SHANK1: variants seen among roughly 807,000 people sequenced by gnomAD.
The protein encoded by SHANK1 is SH3 and multiple ankyrin repeat domains 1.
Under a neutral mutation model 165.6 loss-of-function variants are expected in SHANK1, and 35 were observed. The ratio of observed to expected loss-of-function variants is 0.21; its 90% CI spans 0.16 to 0.28. The LOEUF is 0.28. Among genes scored for constraint, SHANK1 ranks in the 10% least tolerant of loss-of-function variants. The pLI, the probability that SHANK1 is intolerant of heterozygous loss-of-function variation, is 1.00. For synonymous variants in SHANK1, 1,428 were observed against 1,384.8 expected (o/e 1.03, Z -0.69); for missense variants, 2,681 against 3,036.4 (o/e 0.88, Z 2.75).
In SHANK1 at chr19:50,668,725, C is replaced by T; in HGVS notation, c.3235G>A (p.Gly1079Ser). 7.8e-7 allele frequency: 1 copy of T among 1,277,562 alleles called. No individual in the cohort carries two copies. The highest frequency in any genetic ancestry group is 9.8e-7 in the Non-Finnish European group (1 of 1,019,086). 79.1% of individuals were successfully genotyped at this position (1,277,562 alleles called of 1,614,324 possible). The change falls in exon 23 of 24, where the codon GGC (glycine) becomes AGC (serine). Residue 1079 changes from glycine to serine, a missense_variant. Physicochemically the swap from Gly to Ser is moderately conservative, Grantham distance 56. Transcript: ENST00000293441. ...AGCTGGAAATAGCGTAGAGCCGGGC[C>T]CTGGGAGGAGCCGCCGCCCCCGCCC... ...SAGGGGGSSQ[G>S]PALRYFQLPP...
chr19:50,702,437 C>T lies in SHANK1; in HGVS notation c.1747+30G>A. On this transcript the variant is annotated intron_variant, in intron 12 of 23. Transcript: ENST00000293441. The surrounding 1 kb of genome is among the most constrained non-coding windows in gnomAD (Gnocchi z 5.3). Reference sequence around the variant, plus strand: ...CCCTGATCGCCCCCACAGCCCAGCCCAGCCCAGGCCCTGCTTCCACCCTGG... The same window carrying T: ...CCCTGATCGCCCCCACAGCCCAGCCTAGCCCAGGCCCTGCTTCCACCCTGG... The T allele has an allele frequency of 3.2e-6, 5 of 1,583,756 alleles. No homozygotes were observed. The highest frequency in any genetic ancestry group is 4.3e-6 in the Non-Finnish European group (5 of 1,163,316).
chr19:50,704,424 TGCA>T lies in SHANK1; in HGVS notation c.1155+10_1155+12del. ...GCCCTGGAAACTCCAGCACATCCCC[TGCA>T]GCCCCAGACCTGGAAGGGGGTCTGT... On this transcript the variant is annotated intron_variant, in intron 9 of 23. Coordinates refer to ENST00000293441, the MANE Select transcript of SHANK1 (RefSeq NM_016148.5). 1 of 1,613,332 alleles carries T rather than the reference TGCA, an allele frequency of 6.2e-7. No homozygotes were observed. The highest frequency in any genetic ancestry group is 8.5e-7 in the Non-Finnish European group (1 of 1,179,316).
intron 15 of SHANK1, among the ~76,000 whole-genome samples, chr19:50,695,349 G>A (rs1160042117): frequency 1.3e-5 from 2 of 149,236 alleles, no homozygotes; most frequent in African/African-American, 2.5e-5. Context: ...CCGGAGGCGG[G>A]CGGCGGGCGC....
intron 23 of SHANK1, chr19:50,663,193 C>A (rs912876800): frequency 3.7e-5 from 6 of 163,164 alleles, no homozygotes; most frequent in Non-Finnish European, 5.4e-5. Flanking sequence ...TATGGCCAGT[C>A]GTAGCAGAGT....
rs773658799 is a variant in SHANK1, at chr19:50,704,143, C to T, written c.1199G>A (p.Arg400Gln). Residue 400 changes from arginine (R) to glutamine (Q), a missense_variant, in exon 10 of 24, where the codon CGA becomes CAA. Coordinates refer to ENST00000293441, the MANE Select transcript of SHANK1 (RefSeq NM_016148.5). ...ACCCACATCCTGTTCTCGGTGGTTT[C>T]GGATCAGCTCCCCCAGCTCAAAATT... ...AGNFELGELI[R>Q]NHREQDVVPF... The T allele has an allele frequency of 2.5e-6, 4 of 1,613,238 alleles. No homozygotes were observed. The highest frequency in any genetic ancestry group is 2.5e-6 in the Non-Finnish European group (3 of 1,179,766).
intron 22 of SHANK1, 42 bp from the exon 23 acceptor site, chr19:50,669,327 G>T: frequency 7.2e-7 from 1 of 1,384,244 alleles, no homozygotes; most frequent in Non-Finnish European, 1.0e-6. Flanking sequence ...CCCTGGCGGG[G>T]AGGGTCTCCC....
At chr19:50,669,429 TC>T (rs1329176886) in intron 22 of SHANK1, 144 bp from the exon 23 acceptor site, 7 of 638,402 alleles carry the variant, frequency 1.1e-5, no homozygotes, top group Non-Finnish European at 1.7e-5. Flanking sequence ...GCCCAGCTCT[TC>T]CCTATTTGAG....
chr19:50,681,326 G>T (rs1231991981), intron 21 of SHANK1, among the ~76,000 whole-genome samples: 1 of 152,180 alleles, frequency 6.6e-6, no homozygotes, highest in Admixed American at 6.5e-5. Context: ...AAGGCGAGGG[G>T]GATGTACAGG....
rs556259688 is a variant in SHANK1 at position 50,659,571 on chromosome 19, C to G, written c.*2394G>C. 2.7e-5 allele frequency among the ~76,000 whole-genome samples: 4 copies of G among 149,566 alleles called. No individual in the cohort carries two copies. Among genetic ancestry groups the G allele is most frequent in the African/African-American group, 4.9e-5 (2 of 40,612 alleles). On this transcript the variant is annotated 3_prime_UTR_variant, in exon 24 of 24. Coordinates refer to ENST00000293441, the MANE Select transcript of SHANK1 (RefSeq NM_016148.5). ...CCCCCTCCTCTTCCCCTCCCACCCC[C>G]CCTTGGAAGACAATTCTCGGGCTTT...
chr19:50,689,358 C>A, intron 15 of SHANK1, 79 bp from the exon 16 acceptor site: 1 of 1,058,416 alleles, frequency 9.4e-7, no homozygotes, highest in South Asian at 1.3e-5. Flanking sequence ...CTGTCCCCCA[C>A]CCGGCAACCC....
Position 50,716,886 on chromosome 19 carries a change from C to T in SHANK1, c.34G>A (p.Glu12Lys), listed in dbSNP as rs1200412558. The change falls in exon 2 of 24, where the codon GAA becomes AAA. Residue 12 changes from glutamate to lysine, a missense_variant. By Grantham distance (56) the Glu-to-Lys change is moderately conservative (BLOSUM62 1). Coordinates refer to ENST00000293441, the MANE Select transcript of SHANK1 (RefSeq NM_016148.5). This position sits in a 1 kb window ranked among gnomAD's most constrained non-coding sequence, Gnocchi z 8.4. ...GGACACTCGCTGGCACTGTGGCGTT[C>T]CTCGTCCTCGCTTGTCGCGGGGCTG... ...THSPATSEDE[E>K]RHSASECPEG... 3 of 1,469,706 alleles carry T rather than the reference C, an allele frequency of 2.0e-6. No homozygotes were observed. Among genetic ancestry groups the T allele is most frequent in the African/African-American group, 1.4e-5 (1 of 70,430 alleles). 91.0% of individuals were successfully genotyped at this position (1,469,706 alleles called of 1,614,324 possible). A position where few individuals can be genotyped will look rare whatever the true frequency, so the allele number is the denominator to read the frequency against.
In SHANK1 at chr19:50,687,622, G is replaced by T; in HGVS notation, c.2349C>A (p.Ser783=). 1 of 1,534,862 alleles carries T rather than the reference G, an allele frequency of 6.5e-7. No individual in the cohort carries two copies. Among genetic ancestry groups the T allele is most frequent in the Non-Finnish European group, 8.8e-7 (1 of 1,140,514 alleles). ...QAKRLPPPTI[S]LRSKSMTSEL... ...CTGAGGTCATAGATTTGGAACGCAGGGAGATGGTTGGGGGCGGCAGCCGCT... is the reference window on the plus strand; with the variant it reads ...CTGAGGTCATAGATTTGGAACGCAGTGAGATGGTTGGGGGCGGCAGCCGCT... Residue 783 remains serine (S), a synonymous_variant, in exon 19 of 24, where the codon TCC becomes TCA. Coordinates refer to ENST00000293441, the MANE Select transcript of SHANK1 (RefSeq NM_016148.5).
rs759059581 is a variant in SHANK1 at position 50,697,094 on chromosome 19, A to C, written c.1964+2T>G. 2 of 1,597,692 alleles carry C rather than the reference A, an allele frequency of 1.3e-6. No homozygotes were observed. The highest frequency in any genetic ancestry group is 1.1e-5 in the South Asian group (1 of 90,196). On this transcript the variant is annotated splice_donor_variant, in intron 15 of 23. Coordinates refer to ENST00000293441, the MANE Select transcript of SHANK1 (RefSeq NM_016148.5). LOFTEE classifies it high-confidence loss of function. This position sits in a 1 kb window ranked among gnomAD's most constrained non-coding sequence, Gnocchi z 4.7. ...ATCCCCTCCCTGCCCCTCGCCTCTC[A>C]CCTCCCTGGGCCAATCCCATCCATT...
chr19:50,664,650 A>G (rs1332582368), intron 23 of SHANK1, among the ~76,000 whole-genome samples: 1 of 152,168 alleles, frequency 6.6e-6, no homozygotes, highest in East Asian at 1.9e-4. Context: ...CCTGTCTTGA[A>G]CCACACTGGC....
Position 50,667,618 on chromosome 19 carries a change from G to A in SHANK1, c.4342C>T (p.Leu1448=), listed in dbSNP as rs1004936796. 6.9e-7 allele frequency: 1 copy of A among 1,440,598 alleles called. No homozygotes were observed. Among genetic ancestry groups the A allele is most frequent in the Non-Finnish European group, 9.0e-7 (1 of 1,108,602 alleles). The allele number at this position is 1,440,598 out of a possible 1,614,324, so 89.2% of individuals were successfully genotyped here. A position where few individuals can be genotyped will look rare whatever the true frequency, so the allele number is the denominator to read the frequency against. ...CCCACCCCGGGAGCGGTGGGCGGCA[G>A]GCGGTGTAGCAGGGAACGCCGGGCG... ...PAARRSLLHR[L]PPTAPGVGPL... The change falls in exon 23 of 24, where the codon CTG becomes TTG. Residue 1448 remains leucine (L), a synonymous_variant. Coordinates refer to ENST00000293441, the MANE Select transcript of SHANK1 (RefSeq NM_016148.5). This position sits in a 1 kb window ranked among gnomAD's most constrained non-coding sequence, Gnocchi z 5.7.
In SHANK1 at chr19:50,667,515, G is replaced by A. The variant is rs1214406987; in HGVS notation, c.4445C>T (p.Pro1482Leu). The stretch of plus-strand genomic sequence containing the variant: ...CAGCGGCAGCCGCTCGGGTTCTTCG[G>A]GGGCTGCGGACCTCCAGGGCTTGCT... ...GVSKPWRSAA[P>L]EEPERLPLHV... Residue 1482 changes from proline to leucine, a missense_variant, in exon 23 of 24, where the codon CCC becomes CTC. By Grantham distance (98) the Pro-to-Leu change is moderately conservative (BLOSUM62 -3). This residue lies in a region of SHANK1 where 1,713 missense variants were observed against 1,630.2 expected (regional missense o/e 1.05). Transcript: ENST00000293441. This position sits in a 1 kb window ranked among gnomAD's most constrained non-coding sequence, Gnocchi z 5.7. 2 of 1,520,632 alleles carry A rather than the reference G, an allele frequency of 1.3e-6. No homozygotes were observed. The highest frequency in any genetic ancestry group is 1.7e-6 in the Non-Finnish European group (2 of 1,147,350). 94.2% of individuals were successfully genotyped at this position (1,520,632 alleles called of 1,614,324 possible).
rs547058866 is a variant in SHANK1 at position 50,661,577 on chromosome 19, C to T, written c.*388G>A. 1.4e-4 allele frequency among the ~76,000 whole-genome samples: 22 copies of T among 151,932 alleles called. No individual in the cohort carries two copies. The East Asian group carries it at 2.7e-3, about 19-fold the overall frequency. Reference sequence around the variant, plus strand: ...TAGAGGGGTGGCAGGTGGTGGAATCCGAGGGCACCCCCTTCCCCTGCGGCC... The same window carrying T: ...TAGAGGGGTGGCAGGTGGTGGAATCTGAGGGCACCCCCTTCCCCTGCGGCC... On this transcript the variant is annotated 3_prime_UTR_variant, in exon 24 of 24. Transcript: ENST00000293441.
At chr19:50,676,746 T>G (rs1248074425) in intron 21 of SHANK1, among the ~76,000 whole-genome samples, 1 of 152,144 alleles carries the variant, frequency 6.6e-6, no homozygotes, top group Non-Finnish European at 1.5e-5. Context: ...TCTATTTCCT[T>G]GGTAAGAAAA....
At chr19:50,676,548 G>A (rs10409337) in intron 21 of SHANK1, among the ~76,000 whole-genome samples, 10,064 of 151,948 alleles carry the variant, frequency 0.066, 1,093 homozygotes, top group African/African-American at 0.23. Context: ...GGTGGGAGTG[G>A]GTAGGACCTG....
Sources: allele counts gnomAD v4.1 joint callset (sites outside exome capture counted in the v4.1 genomes callset), GRCh38; gene constraint gnomAD v4.1.1; regional missense constraint gnomAD v4.1.1; non-coding constraint Gnocchi (gnomAD v3.1); transcripts MANE v1.5; gene names NCBI Gene and HGNC (gene_info 2026-07-23, HGNC 2026-07-21).